The following NAALADL2 variants were observed in gnomAD, a reference collection of about 807,000 sequenced individuals.
The protein encoded by NAALADL2 is inactive N-acetylated-alpha-linked acidic dipeptidase-like protein 2.
A neutral mutation model predicts 87.2 loss-of-function variants in NAALADL2; 76 were observed. The observed-to-expected ratio is 0.87, with a 90% CI of 0.72 to 1.05. NAALADL2 has a LOEUF of 1.05. NAALADL2 is among the 50% of genes least tolerant of loss of function. NAALADL2 has a pLI of 0.00. For synonymous variants in NAALADL2, 354 were observed against 331.0 expected, an observed-to-expected ratio of 1.07 and a Z score of -0.75; for missense variants, 1,089 against 945.8, an observed-to-expected ratio of 1.15 and a Z score of -1.99.
intron 1 of NAALADL2, among the ~76,000 whole-genome samples, chr3:174,997,173 C>CT (rs533382734): frequency 6.6e-6 from 1 of 151,714 alleles, no homozygotes; most frequent in South Asian, 2.1e-4. Context: ...CATATAATGA[C>CT]TTTTTTTCCT....
At chr3:174,711,641 A>G (rs1464877484) in intron 2 of NAALADL2, among the ~76,000 whole-genome samples, 1 of 152,076 alleles carries the variant, frequency 6.6e-6, no homozygotes, top group Non-Finnish European at 1.5e-5. Flanking sequence ...ATTCTCCCCA[A>G]ATTATAGGCC....
chr3:175,645,102 T>G (rs562756489), intron 11 of NAALADL2, among the ~76,000 whole-genome samples: 1 of 151,878 alleles, frequency 6.6e-6, no homozygotes, highest in African/African-American at 2.4e-5. Context: ...GAAATAAGAC[T>G]CAGGCGAAGC....
At position 175,256,636 on chromosome 3, in the gene NAALADL2, TGA is replaced by T. The variant is rs997441326; in HGVS notation, c.939+115_939+116del. 2.7e-5 allele frequency: 28 copies of T among 1,045,800 alleles called. No homozygotes were observed. The African/African-American group carries it at 3.6e-4, about 14-fold the overall frequency. The allele number at this position is 1,045,800 out of a possible 1,614,324, so 64.8% of individuals were successfully genotyped here. Reference sequence around the variant, plus strand: ...GAGTGTGTGTGTGCATATAGGTGTGTGAGAGAGAGAAGGGGAGAGGAAGAAAG... The same window carrying T: ...GAGTGTGTGTGTGCATATAGGTGTGTGAGAGAGAAGGGGAGAGGAAGAAAG... On this transcript the variant is annotated intron_variant, in intron 4 of 13. Coordinates refer to ENST00000454872, the MANE Select transcript of NAALADL2 (RefSeq NM_207015.3).
chr3:174,645,633 A>T (rs1723703300), intron 2 of NAALADL2, among the ~76,000 whole-genome samples: 1 of 152,126 alleles, frequency 6.6e-6, no homozygotes, highest in South Asian at 2.1e-4. Context: ...TTTTTCTGTA[A>T]GGTTTTTTTT....
intron 2 of NAALADL2, among the ~76,000 whole-genome samples, chr3:174,724,582 T>C (rs7649097): frequency 2.8e-4 from 42 of 152,236 alleles, no homozygotes; most frequent in African/African-American, 9.6e-4. Context: ...TTTAGAAAAG[T>C]CATATTTAAT....
rs35444340 is a variant in NAALADL2 at position 175,342,505 on chromosome 3, C to CGTGTGTGTGTGTGTGTGT, written c.1090+18191_1090+18208dup. 4.0e-3 allele frequency among the ~76,000 whole-genome samples: 591 copies of CGTGTGTGTGTGTGTGTGT among 146,704 alleles called. 2 individuals are homozygous for CGTGTGTGTGTGTGTGTGT. Among genetic ancestry groups the CGTGTGTGTGTGTGTGTGT allele is most frequent in the African/African-American group, 0.014 (578 of 40,214 alleles). On this transcript the variant is annotated intron_variant, in intron 5 of 13. Transcript: ENST00000454872. ...CCCTCCTGGCATTTGCCAAATATTG[C>CGTGTGTGTGTGTGTGTGT]GTGTGTGTGTGTGTGTGTGTGTGTG...
intron 2 of NAALADL2, among the ~76,000 whole-genome samples, chr3:174,637,533 T>A (rs1252640473): frequency 6.6e-6 from 1 of 151,968 alleles, no homozygotes; most frequent in Non-Finnish European, 1.5e-5. Context: ...AATAAAAGGA[T>A]TTTTAGCCTA....
chr3:175,336,899 T>C lies in NAALADL2; in HGVS notation c.1090+12574T>C, dbSNP rs1762037197. Among the ~76,000 whole-genome samples the C allele has an allele frequency of 1.3e-5, 2 of 152,150 alleles. 1 individual carries two copies. Among genetic ancestry groups the C allele is most frequent in the Admixed American group, 1.3e-4 (2 of 15,272 alleles). On this transcript the variant is annotated intron_variant, in intron 5 of 13. Coordinates refer to ENST00000454872, the MANE Select transcript of NAALADL2 (RefSeq NM_207015.3). ...TTCAGTGACAGAATAGAAAATGCAATTTTATCTTGGAAAAAAATGATAAAG... is the reference window on the plus strand; with the variant it reads ...TTCAGTGACAGAATAGAAAATGCAACTTTATCTTGGAAAAAAATGATAAAG...
At chr3:175,776,394 T>G (rs1750247733) in intron 13 of NAALADL2, 1 of 152,130 alleles carries the variant, frequency 6.6e-6, no homozygotes, top group East Asian at 1.9e-4. Flanking sequence ...ATTCTAATTC[T>G]CTTATTGTTC....
chr3:174,979,749 A>G (rs1483961597), intron 1 of NAALADL2, among the ~76,000 whole-genome samples: 4 of 152,234 alleles, frequency 2.6e-5, no homozygotes, highest in African/African-American at 9.6e-5. Context: ...TAGGAATAGT[A>G]TTATAGAGTA....
intron 5 of NAALADL2, among the ~76,000 whole-genome samples, chr3:175,434,033 G>A (rs1358494803): frequency 6.6e-6 from 1 of 151,784 alleles, no homozygotes; most frequent in African/African-American, 2.4e-5. Flanking sequence ...GTGGTAATCA[G>A]GTCACAGTTC....
At chr3:174,581,472 T>TA (rs957807457) in intron 2 of NAALADL2, among the ~76,000 whole-genome samples, 1 of 151,794 alleles carries the variant, frequency 6.6e-6, no homozygotes, top group African/African-American at 2.4e-5. Flanking sequence ...TGCCATTTTC[T>TA]AAAAAAAAGT....
At chr3:175,069,027 C>T (rs191393808) in intron 1 of NAALADL2, among the ~76,000 whole-genome samples, 71 of 152,182 alleles carry the variant, frequency 4.7e-4, no homozygotes, top group African/African-American at 1.6e-3. Flanking sequence ...GGATTAAAGA[C>T]TTAAACGTTA....
At chr3:174,887,866 T>C (rs1730370552) in intron 1 of NAALADL2, among the ~76,000 whole-genome samples, 2 of 151,734 alleles carry the variant, frequency 1.3e-5, no homozygotes, top group Non-Finnish European at 2.9e-5. Flanking sequence ...AAAATACATA[T>C]AATATTTCTG....
chr3:174,813,154 G>A (rs1192593485), intron 3 of NAALADL2, among the ~76,000 whole-genome samples: 1 of 152,110 alleles, frequency 6.6e-6, no homozygotes, highest in African/African-American at 2.4e-5. Flanking sequence ...CTATACAGGT[G>A]TACTGTTCTC....
intron 2 of NAALADL2, among the ~76,000 whole-genome samples, chr3:174,619,482 A>G (rs1054653998): frequency 2.0e-5 from 3 of 151,968 alleles, no homozygotes; most frequent in African/African-American, 7.2e-5. Flanking sequence ...GATAATGGAA[A>G]TACTGGCAGC....
intron 2 of NAALADL2, among the ~76,000 whole-genome samples, chr3:175,135,939 A>G (rs1729049352): frequency 6.6e-6 from 1 of 152,242 alleles, no homozygotes; most frequent in Admixed American, 6.5e-5. Context: ...TATCAGAAGC[A>G]GAACCTTGAC....
intron 2 of NAALADL2, among the ~76,000 whole-genome samples, chr3:174,590,836 G>C (rs1717282811): frequency 6.6e-6 from 1 of 151,564 alleles, no homozygotes; most frequent in Non-Finnish European, 1.5e-5. Flanking sequence ...GTTACTATTT[G>C]ACTAGAAATA....
chr3:175,553,780 T>G (rs1262382618), intron 9 of NAALADL2, among the ~76,000 whole-genome samples: 1 of 152,036 alleles, frequency 6.6e-6, no homozygotes, highest in Non-Finnish European at 1.5e-5. Context: ...ATTTATTTTT[T>G]CTTTTTAAGG....
Sources: gnomAD v4.1 joint callset for allele counts (sites outside exome capture counted in the v4.1 genomes callset) on GRCh38, gnomAD v4.1.1 for gene constraint, MANE v1.5 for transcripts, NCBI Gene and HGNC (gene_info 2026-07-23, HGNC 2026-07-21) for gene names.